S100Z: variants seen among roughly 807,000 people sequenced by gnomAD.
S100Z encodes protein S100-Z.
Under a neutral mutation model 8.5 loss-of-function variants are expected in S100Z, and 11 were observed. The ratio of observed to expected loss-of-function variants is 1.30; its 90% CI spans 0.82 to 2.15. The LOEUF (loss-of-function observed/expected upper bound fraction) is 2.15, where lower values mean the gene tolerates loss of function less well. S100Z is among the 30% of genes most tolerant of loss of function. The pLI is 0.00. For synonymous variants in S100Z, 34 were observed against 43.8 expected (o/e 0.78, Z 0.89); for missense variants, 126 against 117.9 (o/e 1.07, Z -0.32).
At chr5:76,938,355 T>C in the S100Z span, among the ~76,000 whole-genome samples, 1 of 152,172 alleles carries the variant, frequency 6.6e-6, no homozygotes, top group African/African-American at 2.4e-5. Context: ...TAGTATTTTA[T>C]GTTTTATGGC....
chr5:76,925,719 C>G (rs1343564013), downstream of S100Z, among the ~76,000 whole-genome samples: 1 of 152,084 alleles, frequency 6.6e-6, no homozygotes, highest in African/African-American at 2.4e-5. Context: ...GTGATCCCAA[C>G]ACTTTAAGAG....
intron 4 of S100Z, among the ~76,000 whole-genome samples, chr5:76,897,387 G>A (rs1242416229): frequency 6.6e-6 from 1 of 151,928 alleles, no homozygotes; most frequent in Non-Finnish European, 1.5e-5. Context: ...AGCTTGCAGT[G>A]AGCCAAGATC....
chr5:76,860,897 A>G (rs1208218557), intron 1 of S100Z, among the ~76,000 whole-genome samples: 2 of 152,248 alleles, frequency 1.3e-5, no homozygotes, highest in Admixed American at 6.5e-5. Context: ...TAATTTCTGG[A>G]ACATTCTAAT....
intron 4 of S100Z, among the ~76,000 whole-genome samples, chr5:76,892,088 A>G (rs980946028): frequency 2.0e-5 from 3 of 152,306 alleles, no homozygotes; most frequent in South Asian, 2.1e-4. Flanking sequence ...TGTACCTTCA[A>G]TGTGGAGAAC....
intron 1 of S100Z, among the ~76,000 whole-genome samples, chr5:76,863,283 C>T (rs941280528): frequency 1.3e-5 from 2 of 152,226 alleles, no homozygotes; most frequent in African/African-American, 4.8e-5. Flanking sequence ...GTAAAACATG[C>T]ACACCAGTGT....
downstream of S100Z, among the ~76,000 whole-genome samples, chr5:76,922,929 A>G (rs1274160364): frequency 6.6e-6 from 1 of 151,976 alleles, no homozygotes; most frequent in Non-Finnish European, 1.5e-5. Context: ...TTTTTTCCCA[A>G]TAATCTGCCT....
chr5:76,868,161 T>C (rs1159016342), intron 1 of S100Z, among the ~76,000 whole-genome samples: 1 of 152,208 alleles, frequency 6.6e-6, no homozygotes, highest in Non-Finnish European at 1.5e-5. Context: ...GAAAGTCTCC[T>C]GGAGGGCAGG....
intron 1 of S100Z, among the ~76,000 whole-genome samples, chr5:76,852,923 G>A (rs1750771122): frequency 6.6e-6 from 1 of 152,170 alleles, no homozygotes; most frequent in Non-Finnish European, 1.5e-5. Context: ...TCCATGGGAT[G>A]ACTGCTTAGG....
rs144018226 is a variant in S100Z at position 76,852,814 on chromosome 5, G to C, written c.-176+2659G>C. 2.9e-3 allele frequency among the ~76,000 whole-genome samples: 447 copies of C among 152,300 alleles called. 1 individual carries two copies. The highest frequency in any genetic ancestry group is 0.01 in the African/African-American group (426 of 41,560). On this transcript the variant is annotated intron_variant, in intron 1 of 4. Transcript: ENST00000317593. Reference sequence around the variant, plus strand: ...GTGGTAAAATCAAGTATTCGGCCTAGGTGGCTCATGAACTTGATTCTAGGC... The same window carrying C: ...GTGGTAAAATCAAGTATTCGGCCTACGTGGCTCATGAACTTGATTCTAGGC...
At chr5:76,915,666 T>C (rs1744832412) in intron 4 of S100Z, among the ~76,000 whole-genome samples, 1 of 151,878 alleles carries the variant, frequency 6.6e-6, no homozygotes, top group African/African-American at 2.4e-5. Context: ...GATAAAGTGG[T>C]AGGCTTAAGC....
At chr5:76,936,632 C>CAT in the S100Z span, among the ~76,000 whole-genome samples, 1 of 139,682 alleles carries the variant, frequency 7.2e-6, no homozygotes, top group African/African-American at 2.7e-5. Context: ...CACACACACA[C>CAT]ACACACACAC....
intron 4 of S100Z, among the ~76,000 whole-genome samples, chr5:76,892,684 T>C (rs1043581388): frequency 6.6e-6 from 1 of 152,090 alleles, no homozygotes; most frequent in Non-Finnish European, 1.5e-5. Context: ...GGAGAATAAA[T>C]AAAAGAGGCA....
chr5:76,890,472 C>T (rs1385020434), intron 4 of S100Z, among the ~76,000 whole-genome samples: 1 of 152,120 alleles, frequency 6.6e-6, no homozygotes, highest in Non-Finnish European at 1.5e-5. Context: ...TGATTTCATA[C>T]CCAAATCACA....
At chr5:76,861,950 A>G (rs74606332) in intron 1 of S100Z, among the ~76,000 whole-genome samples, 2,431 of 151,682 alleles carry the variant, frequency 0.016, 64 homozygotes, top group African/African-American at 0.056. Flanking sequence ...TTTTTCCTTT[A>G]ACATTGTTTA....
At chr5:76,864,597 T>C (rs903773731) in intron 1 of S100Z, among the ~76,000 whole-genome samples, 2 of 151,688 alleles carry the variant, frequency 1.3e-5, no homozygotes, top group Non-Finnish European at 1.5e-5. Flanking sequence ...AGAGACAGGG[T>C]TTTGCCATGT....
At chr5:76,850,663 C>G (rs939059493) in intron 1 of S100Z, among the ~76,000 whole-genome samples, 2 of 152,166 alleles carry the variant, frequency 1.3e-5, no homozygotes, top group Admixed American at 6.5e-5. Flanking sequence ...TGCTCCTCCT[C>G]TTCACACTGG....
chr5:76,925,928 A>C (rs563546610), downstream of S100Z, among the ~76,000 whole-genome samples: 2 of 152,150 alleles, frequency 1.3e-5, no homozygotes, highest in African/African-American at 2.4e-5. Context: ...GATTGTGTCA[A>C]TGCATTCCAG....
the S100Z span, among the ~76,000 whole-genome samples, chr5:76,940,487 A>T: frequency 1.3e-5 from 2 of 151,646 alleles, no homozygotes; most frequent in Non-Finnish European, 1.5e-5. Flanking sequence ...ATCTCAACTA[A>T]GTGCAACCTC....
At chr5:76,864,548 C>T (rs1354249013) in intron 1 of S100Z, among the ~76,000 whole-genome samples, 3 of 150,940 alleles carry the variant, frequency 2.0e-5, no homozygotes, top group East Asian at 3.9e-4. Context: ...GAACCACAGG[C>T]GCATGACACC....
Sources: gnomAD v4.1 joint callset for allele counts (sites outside exome capture counted in the v4.1 genomes callset) on GRCh38, gnomAD v4.1.1 for gene constraint, MANE v1.5 for transcripts, NCBI Gene and HGNC (gene_info 2026-07-23, HGNC 2026-07-21) for gene names.